Variants in ACTR3 observed in about 807,000 individuals in gnomAD.
ACTR3 encodes the protein actin-related protein 3.
In ACTR3, 12 loss-of-function variants were observed where a neutral mutation model predicts 56.8. That is an observed-to-expected ratio of 0.21 (90% CI 0.14 to 0.34). The LOEUF is 0.34. ACTR3 is among the 10% of genes least tolerant of loss of function. ACTR3 has a pLI of 1.00. For synonymous variants in ACTR3, 162 were observed against 167.4 expected (o/e 0.97, Z 0.25); for missense variants, 282 against 512.5 (o/e 0.55, Z 4.34).
rs1331276625 is a variant in ACTR3 at position 113,931,340 on chromosome 2, A to G, written c.376A>G (p.Thr126Ala). The change falls in exon 5 of 12, where the codon ACT becomes GCT. Residue 126 changes from threonine (T) to alanine (A), a missense_variant. Transcript: ENST00000263238. The part of the protein sequence containing the change: ...PLNTPENREY[T>A]AEIMFESFNV... ...GAATACTCCAGAAAACAGGGAATAT[A>G]CTGCTGAAATAATGTTTGAGTCCTT... 6.3e-7 allele frequency: 1 copy of G among 1,598,296 alleles called. No homozygotes were observed.
chr2:113,957,343 A>C lies in ACTR3; in HGVS notation c.1162-17A>C, dbSNP rs1474361788. The stretch of plus-strand genomic sequence containing the variant: ...AGATTTTTGACCCTTATAAAAATAC[A>C]TATTTTTTGTTTTCAGCCTGAGTTC... On this transcript the variant is annotated splice_polypyrimidine_tract_variant and intron_variant, in intron 11 of 11. Transcript: ENST00000263238. 1 of 1,588,024 alleles carries C rather than the reference A, an allele frequency of 6.3e-7. No individual in the cohort carries two copies. The highest frequency in any genetic ancestry group is 1.1e-5 in the South Asian group (1 of 90,430).
intron 8 of ACTR3, among the ~76,000 whole-genome samples, chr2:113,946,350 T>G (rs1442244371): frequency 1.3e-5 from 2 of 152,012 alleles, no homozygotes; most frequent in African/African-American, 2.4e-5. Context: ...CTTTCCTTCA[T>G]TTTTTAGGAG....
intron 8 of ACTR3, among the ~76,000 whole-genome samples, chr2:113,946,467 G>A (rs536310564): frequency 3.2e-4 from 49 of 152,126 alleles, no homozygotes; most frequent in Admixed American, 1.1e-3. Context: ...GATCAGTGAC[G>A]TTGAGCTTTT....
chr2:113,957,466 A>G lies in ACTR3; in HGVS notation c.*11A>G, dbSNP rs186497754. 6 of 1,607,700 alleles carry G rather than the reference A, an allele frequency of 3.7e-6. No homozygotes were observed. The African/African-American group carries it at 6.7e-5, about 18-fold the overall frequency. Reference sequence around the variant, plus strand: ...GGAGTCATGTCGTAAAATTGGCTTCATAGTTATTGGGGTTAGGGAGGTGGG... The same window carrying G: ...GGAGTCATGTCGTAAAATTGGCTTCGTAGTTATTGGGGTTAGGGAGGTGGG... On this transcript the variant is annotated 3_prime_UTR_variant, in exon 12 of 12. Transcript: ENST00000263238.
chr2:113,924,056 T>C (rs772713653), intron 3 of ACTR3, among the ~76,000 whole-genome samples: 41 of 102,026 alleles, frequency 4.0e-4, no homozygotes, highest in Non-Finnish European at 5.3e-4. Flanking sequence ...TTTTTTCTCT[T>C]TTTTTTTTTT....
chr2:113,943,754 A>G (rs1679965953), intron 8 of ACTR3, among the ~76,000 whole-genome samples: 1 of 152,242 alleles, frequency 6.6e-6, no homozygotes, highest in Non-Finnish European at 1.5e-5. Context: ...GAAATTTGTA[A>G]TACTGAAGGG....
rs1559496423 is a variant in ACTR3, at chr2:113,958,571, A to T, written c.*1116A>T. The T allele has an allele frequency of 6.6e-6, 1 of 151,648 alleles. No individual in the cohort carries two copies. The highest frequency in any genetic ancestry group is 2.1e-4 in the South Asian group (1 of 4,820). 9.4% of individuals were successfully genotyped at this position (151,648 alleles called of 1,614,324 possible). On this transcript the variant is annotated 3_prime_UTR_variant, in exon 12 of 12. Coordinates refer to ENST00000263238, the MANE Select transcript of ACTR3 (RefSeq NM_005721.5). ...GGATTATGAAGAAAAAGTGATGAAA[A>T]TAAATTAAAACTGAATTACCTTTTC...
At chr2:113,893,565 T>C (rs1356258837) in intron 1 of ACTR3, among the ~76,000 whole-genome samples, 1 of 152,190 alleles carries the variant, frequency 6.6e-6, no homozygotes, top group Non-Finnish European at 1.5e-5. Context: ...GTGCTGGGAT[T>C]ACAGGTGTGA....
intron 3 of ACTR3, among the ~76,000 whole-genome samples, chr2:113,923,400 C>T (rs1288421745): frequency 1.3e-5 from 2 of 152,010 alleles, no homozygotes; most frequent in South Asian, 2.1e-4. Flanking sequence ...TGCAGTGGCG[C>T]GATCTCAGCT....
chr2:113,899,271 G>A lies in ACTR3; in HGVS notation c.44+8948G>A, dbSNP rs528845421. On this transcript the variant is annotated intron_variant, in intron 1 of 11. Transcript: ENST00000263238. ...AAAGGAAGGCATACATATTTCTGAAGCTGCAATTTGAAAATGAATAATCTC... is the reference window on the plus strand; with the variant it reads ...AAAGGAAGGCATACATATTTCTGAAACTGCAATTTGAAAATGAATAATCTC... 9.2e-5 allele frequency among the ~76,000 whole-genome samples: 14 copies of A among 152,250 alleles called. No homozygotes were observed. The East Asian group carries it at 2.7e-3, about 29-fold the overall frequency.
chr2:113,890,490 G>C, intron 1 of ACTR3, 167 bp downstream of exon 1: 1 of 1,307,642 alleles, frequency 7.6e-7, no homozygotes, highest in Non-Finnish European at 1.0e-6. Context: ...GGCCTCGCGG[G>C]TCCCCTCGTT....
At chr2:113,923,127 C>G (rs1328153065) in intron 3 of ACTR3, among the ~76,000 whole-genome samples, 5 of 152,294 alleles carry the variant, frequency 3.3e-5, no homozygotes, top group Non-Finnish European at 5.9e-5. Flanking sequence ...TTCTCTCAAT[C>G]TTTATTCCTA....
intron 1 of ACTR3, among the ~76,000 whole-genome samples, chr2:113,902,271 A>G (rs1194163021): frequency 2.0e-5 from 3 of 151,638 alleles, no homozygotes; most frequent in Non-Finnish European, 4.4e-5. Context: ...TTATATTTCT[A>G]CTATTATTCT....
intron 10 of ACTR3, 69 bp downstream of exon 10, chr2:113,951,914 C>T (rs761648937): frequency 3.2e-6 from 5 of 1,585,732 alleles, no homozygotes; most frequent in African/African-American, 1.3e-5. Flanking sequence ...AAATATTTGC[C>T]AGCATTCACT....
chr2:113,893,363 G>A (rs1206631942), intron 1 of ACTR3, among the ~76,000 whole-genome samples: 1 of 151,874 alleles, frequency 6.6e-6, no homozygotes, highest in Admixed American at 6.6e-5. Flanking sequence ...GCACGATCTC[G>A]GCTCACTGCA....
At chr2:113,918,205 A>G (rs137987988) in intron 3 of ACTR3, among the ~76,000 whole-genome samples, 1 of 152,282 alleles carries the variant, frequency 6.6e-6, no homozygotes, top group Non-Finnish European at 1.5e-5. Flanking sequence ...GAGTATACCT[A>G]GAGGAATAAT....
chr2:113,890,603 G>A (rs1183060775), intron 1 of ACTR3: 40 of 1,323,106 alleles, frequency 3.0e-5, no homozygotes, highest in Non-Finnish European at 3.1e-5. Flanking sequence ...CCCCCACTAC[G>A]GTGGGCAGCG....
At chr2:113,915,814 G>C (rs993235484) in intron 2 of ACTR3, among the ~76,000 whole-genome samples, 7 of 152,126 alleles carry the variant, frequency 4.6e-5, no homozygotes, top group African/African-American at 1.4e-4. Flanking sequence ...TTTGCCTGCT[G>C]TAAGAAGGTT....
At chr2:113,929,365 C>T (rs752741383) in intron 4 of ACTR3, among the ~76,000 whole-genome samples, 8 of 151,558 alleles carry the variant, frequency 5.3e-5, no homozygotes, top group Non-Finnish European at 7.4e-5. Flanking sequence ...GTCTTGAACT[C>T]CTGGGCTCCA....
Sources: gnomAD v4.1 joint callset for allele counts (sites outside exome capture counted in the v4.1 genomes callset) on GRCh38, gnomAD v4.1.1 for gene constraint, MANE v1.5 for transcripts, NCBI Gene and HGNC (gene_info 2026-07-23, HGNC 2026-07-21) for gene names.